FAM149B1: variants seen among roughly 807,000 people sequenced by gnomAD.
The protein encoded by FAM149B1 is family with sequence similarity 149 member B1, also known as primary cilium assembly protein FAM149B1.
FAM149B1 carries 56 observed loss-of-function variants against 75.3 expected under a neutral mutation model. That is an observed-to-expected ratio of 0.74 (90% confidence interval 0.60 to 0.93). The LOEUF is 0.93. Ranked by LOEUF, FAM149B1 falls within the 40% of genes least tolerant of loss-of-function variation. The probability of loss-of-function intolerance (pLI) is 0.00; values close to 1 mark genes in which losing one functional copy is unlikely to be tolerated. For synonymous variants in FAM149B1, 259 were observed against 256.1 expected (o/e 1.01, Z -0.11); for missense variants, 639 against 708.4 (o/e 0.90, Z 1.11).
intron 1 of FAM149B1, among the ~76,000 whole-genome samples, chr10:73,174,425 TAAC>T (rs141653177): frequency 0.015 from 2,228 of 152,296 alleles, 46 homozygotes; most frequent in African/African-American, 0.045. Flanking sequence ...GAATATATTT[TAAC>T]AACCCAATAT....
intron 1 of FAM149B1, among the ~76,000 whole-genome samples, 172 bp from the exon 2 acceptor site, chr10:73,174,515 G>GT (rs1288766638): frequency 6.6e-6 from 1 of 152,090 alleles, no homozygotes; most frequent in Non-Finnish European, 1.5e-5. Context: ...AATCCAATGT[G>GT]TTTTACACTT....
chr10:73,237,520 A>G (rs545871870), intron 12 of FAM149B1, among the ~76,000 whole-genome samples: 3 of 151,814 alleles, frequency 2.0e-5, no homozygotes, highest in African/African-American at 7.3e-5. Context: ...CCTGGGTTCA[A>G]TCGATTCTCC....
At chr10:73,227,499 C>A (rs1345011981) in intron 7 of FAM149B1, among the ~76,000 whole-genome samples, 1 of 152,174 alleles carries the variant, frequency 6.6e-6, no homozygotes, top group Non-Finnish European at 1.5e-5. Flanking sequence ...TCCGACTATG[C>A]TGTTTCTGCC....
At chr10:73,221,597 T>G (rs1241576671) in intron 7 of FAM149B1, among the ~76,000 whole-genome samples, 1 of 152,168 alleles carries the variant, frequency 6.6e-6, no homozygotes, top group Non-Finnish European at 1.5e-5. Context: ...TTGAACAATT[T>G]GACTATGATG....
In FAM149B1 at chr10:73,168,141, A is replaced by G. The variant is rs1192508657; in HGVS notation, c.-199A>G. ...GTCACTTCCGCCCCCGCGGCAAAGC[A>G]GGGAGGTCGGAGGACTGGAGAGGTG... is the stretch of plus-strand genomic sequence containing the variant. On this transcript the variant is annotated 5_prime_UTR_variant, in exon 1 of 14. Transcript: ENST00000242505. The G allele has an allele frequency of 2.9e-5, 17 of 581,194 alleles. No homozygotes were observed. Among genetic ancestry groups the G allele is most frequent in the Non-Finnish European group, 6.0e-6 (2 of 333,044 alleles). The allele number at this position is 581,194 out of a possible 1,614,324, so 36.0% of individuals were successfully genotyped here.
At chr10:73,232,540 G>A (rs927536617) in intron 9 of FAM149B1, among the ~76,000 whole-genome samples, 12 of 152,206 alleles carry the variant, frequency 7.9e-5, no homozygotes, top group African/African-American at 2.9e-4. Flanking sequence ...TCTTTCTGGT[G>A]ACAATCTTTC....
In FAM149B1 at chr10:73,168,362, A is replaced by T. The variant is rs1843542270; in HGVS notation, c.23A>T (p.Lys8Met). ...AGGATGATCTCCAGATACACTCGGA[A>T]GGCGGTGCCACAGAGCTTGGAGCTG... MISRYTR[K>M]AVPQSLELKG... Residue 8 changes from lysine to methionine, a missense_variant, in exon 1 of 14, where the codon AAG becomes ATG. Coordinates refer to ENST00000242505, the MANE Select transcript of FAM149B1 (RefSeq NM_173348.2). 2 of 1,549,994 alleles carry T rather than the reference A, an allele frequency of 1.3e-6. No individual in the cohort carries two copies. The highest frequency in any genetic ancestry group is 1.7e-6 in the Non-Finnish European group (2 of 1,146,818).
intron 2 of FAM149B1, 91 bp downstream of exon 2, chr10:73,174,882 C>G: frequency 1.2e-6 from 1 of 822,572 alleles, no homozygotes; most frequent in Non-Finnish European, 2.0e-6. Context: ...AAGCCTTGTG[C>G]TAATGAAAAC....
At chr10:73,217,096 A>T (rs943175268) in intron 7 of FAM149B1, among the ~76,000 whole-genome samples, 1 of 152,188 alleles carries the variant, frequency 6.6e-6, no homozygotes, top group African/African-American at 2.4e-5. Context: ...TTCACTCAGG[A>T]TAATGATTTT....
intron 7 of FAM149B1, among the ~76,000 whole-genome samples, chr10:73,223,143 T>C (rs1037871207): frequency 6.6e-6 from 1 of 152,152 alleles, no homozygotes; most frequent in African/African-American, 2.4e-5. Flanking sequence ...AGTATGCTTT[T>C]ATGACCAGCA....
At chr10:73,193,116 G>A in intron 4 of FAM149B1, among the ~76,000 whole-genome samples, 1 of 152,142 alleles carries the variant, frequency 6.6e-6, no homozygotes, top group Non-Finnish European at 1.5e-5. Context: ...AATTTACAAA[G>A]CTTCACGTTT....
At chr10:73,194,241 A>G (rs2042746053) in intron 5 of FAM149B1, among the ~76,000 whole-genome samples, 1 of 152,148 alleles carries the variant, frequency 6.6e-6, no homozygotes, top group Admixed American at 6.5e-5. Context: ...ATTCAGGTCT[A>G]TATATCTATA....
At chr10:73,178,363 T>C (rs1185383462) in intron 3 of FAM149B1, among the ~76,000 whole-genome samples, 3 of 152,072 alleles carry the variant, frequency 2.0e-5, no homozygotes, top group African/African-American at 4.8e-5. Context: ...TGGTGGTGCA[T>C]GCCTGTAATC....
intron 7 of FAM149B1, among the ~76,000 whole-genome samples, chr10:73,224,781 T>C (rs764066549): frequency 6.6e-6 from 1 of 152,172 alleles, no homozygotes; most frequent in Non-Finnish European, 1.5e-5. Flanking sequence ...CACACCGTTA[T>C]TTTGAAAAAC....
At chr10:73,217,986 T>G (rs1350684920) in intron 7 of FAM149B1, among the ~76,000 whole-genome samples, 2 of 152,144 alleles carry the variant, frequency 1.3e-5, no homozygotes, top group African/African-American at 4.8e-5. Flanking sequence ...GTGGATGATG[T>G]TCCTAGATGT....
chr10:73,243,600 A>G lies in FAM149B1; in HGVS notation c.*2581A>G. The G allele has an allele frequency of 1.2e-5, 19 of 1,564,432 alleles. No homozygotes were observed. Among genetic ancestry groups the G allele is most frequent in the Non-Finnish European group, 1.7e-5 (19 of 1,148,102 alleles). ...CCTAGTGGTTGCCAGGGGCTGGAAA[A>G]GTGGAATAACTACTAATGGGTATGG... is the stretch of plus-strand genomic sequence containing the variant. On this transcript the variant is annotated 3_prime_UTR_variant, in exon 14 of 14. Transcript: ENST00000242505.
chr10:73,172,333 C>A (rs566565120), intron 1 of FAM149B1, among the ~76,000 whole-genome samples: 1 of 152,154 alleles, frequency 6.6e-6, no homozygotes, highest in Admixed American at 6.5e-5. Context: ...TTATATAGAA[C>A]AATGGTACAA....
At chr10:73,201,095 G>T in intron 5 of FAM149B1, 1 of 277,612 alleles carries the variant, frequency 3.6e-6, no homozygotes, top group Non-Finnish European at 7.3e-6. Flanking sequence ...ATTGGCAGAG[G>T]GGTCAATTTG....
intron 3 of FAM149B1, among the ~76,000 whole-genome samples, chr10:73,187,823 C>T (rs557068605): frequency 1.3e-5 from 2 of 152,236 alleles, no homozygotes; most frequent in African/African-American, 4.8e-5. Context: ...TAGCTCATGC[C>T]TGTAATCCCA....
Sources: allele counts gnomAD v4.1 joint callset (sites outside exome capture counted in the v4.1 genomes callset), GRCh38; gene constraint gnomAD v4.1.1; transcripts MANE v1.5; gene names NCBI Gene and HGNC (gene_info 2026-07-23, HGNC 2026-07-21).